Variants in PCSK2 observed in about 807,000 individuals in gnomAD.
The protein encoded by PCSK2 is neuroendocrine convertase 2.
A neutral mutation model predicts 69.7 loss-of-function variants in PCSK2; 14 were observed. That is an observed-to-expected ratio of 0.20 (90% CI 0.13 to 0.31). PCSK2 has a LOEUF of 0.31. Ranked by LOEUF, PCSK2 falls within the 10% of genes least tolerant of loss-of-function variation. The pLI is 1.00. For synonymous variants in PCSK2, 307 were observed against 320.7 expected (o/e 0.96, Z 0.46); for missense variants, 544 against 842.5 (o/e 0.65, Z 4.39).
At position 17,296,656 on chromosome 20, in the gene PCSK2, A is replaced by T. The variant is rs564454246; in HGVS notation, c.282+36312A>T. On this transcript the variant is annotated intron_variant, in intron 2 of 11. Transcript: ENST00000262545. ...GAAAGAGAGCACGTGAGCTCAAATC[A>T]CCTTAAAAATGAGTCTTGTATTTCT... 4.6e-5 allele frequency among the ~76,000 whole-genome samples: 7 copies of T among 152,226 alleles called. No individual in the cohort carries two copies. In the South Asian group the frequency reaches 1.5e-3, roughly 32 times the overall value.
chr20:17,418,445 G>C (rs1301185763), intron 6 of PCSK2, among the ~76,000 whole-genome samples: 1 of 152,164 alleles, frequency 6.6e-6, no homozygotes, highest in Non-Finnish European at 1.5e-5. Context: ...TCAGGAGGTG[G>C]TCTGGATAAC....
intron 1 of PCSK2, among the ~76,000 whole-genome samples, chr20:17,234,158 C>G (rs1986245482): frequency 6.6e-6 from 1 of 152,218 alleles, no homozygotes; most frequent in African/African-American, 2.4e-5. Context: ...ACCTCGAAGG[C>G]AAACCGAGCC....
At chr20:17,442,946 G>A (rs975450689) in intron 8 of PCSK2, among the ~76,000 whole-genome samples, 2 of 148,168 alleles carry the variant, frequency 1.3e-5, no homozygotes, top group Non-Finnish European at 3.0e-5. Context: ...TTGCGAAGTG[G>A]AAAAGCTGGA....
chr20:17,382,549 C>T (rs183977045), intron 5 of PCSK2, among the ~76,000 whole-genome samples: 6 of 152,224 alleles, frequency 3.9e-5, no homozygotes, highest in Admixed American at 2.0e-4. Flanking sequence ...GACTGCTGCT[C>T]CCTTCTTTTT....
chr20:17,284,972 C>G (rs957650891), intron 2 of PCSK2, among the ~76,000 whole-genome samples: 2 of 152,192 alleles, frequency 1.3e-5, no homozygotes, highest in Admixed American at 6.5e-5. Context: ...ATCTGGAAAA[C>G]ACCTTAAGCA....
In PCSK2 at chr20:17,333,470, C is replaced by T. The variant is rs531669035; in HGVS notation, c.283-24857C>T. ...CTCCCTCCAAAGGAAACAAGAGACACCTATGGAAATGCTGATGGAGCGAGG... is the reference window on the plus strand; with the variant it reads ...CTCCCTCCAAAGGAAACAAGAGACATCTATGGAAATGCTGATGGAGCGAGG... On this transcript the variant is annotated intron_variant, in intron 2 of 11. Coordinates refer to ENST00000262545, the MANE Select transcript of PCSK2 (RefSeq NM_002594.5). Among the ~76,000 whole-genome samples, 46 of 152,092 alleles carry T rather than the reference C, an allele frequency of 3.0e-4. 1 individual carries two copies. Among genetic ancestry groups the T allele is most frequent in the Admixed American group, 2.9e-3 (44 of 15,262 alleles).
intron 2 of PCSK2, among the ~76,000 whole-genome samples, chr20:17,261,608 C>T (rs1429453841): frequency 1.3e-5 from 2 of 152,192 alleles, no homozygotes; most frequent in African/African-American, 2.4e-5. Context: ...TCATAGAAGC[C>T]GGCACCAAGA....
At chr20:17,297,884 T>C (rs1988950682) in intron 2 of PCSK2, among the ~76,000 whole-genome samples, 1 of 152,202 alleles carries the variant, frequency 6.6e-6, no homozygotes, top group Admixed American at 6.5e-5. Flanking sequence ...TACAATTGGA[T>C]TTTGCATTTT....
At chr20:17,390,163 C>G (rs962487332) in intron 5 of PCSK2, among the ~76,000 whole-genome samples, 1 of 152,158 alleles carries the variant, frequency 6.6e-6, no homozygotes, top group Non-Finnish European at 1.5e-5. Context: ...AGTACATATA[C>G]TCTCTGGTTC....
chr20:17,272,133 A>G (rs1211256937), intron 2 of PCSK2, among the ~76,000 whole-genome samples: 2 of 152,096 alleles, frequency 1.3e-5, no homozygotes, highest in African/African-American at 4.8e-5. Flanking sequence ...TAGAGTAAGC[A>G]TTCTTAGTTC....
intron 8 of PCSK2, among the ~76,000 whole-genome samples, chr20:17,440,615 C>T (rs1018538984): frequency 7.2e-5 from 11 of 152,180 alleles, no homozygotes; most frequent in African/African-American, 1.2e-4. Context: ...AATCCCAACA[C>T]TTTGGGGGGC....
In PCSK2 at chr20:17,363,946, C is replaced by T. The variant is rs79366214; in HGVS notation, c.505+3306C>T. On this transcript the variant is annotated intron_variant, in intron 4 of 11. Transcript: ENST00000262545. ...CTAATTCTAACCACCATTCTTGGTA[C>T]TTGAAACCTAATCCTTTGCTCTGCC... Among the ~76,000 whole-genome samples the T allele has an allele frequency of 8.8e-3, 1,346 of 152,242 alleles. 26 individuals are homozygous for T. The highest frequency in any genetic ancestry group is 0.03 in the African/African-American group (1,264 of 41,542).
intron 6 of PCSK2, among the ~76,000 whole-genome samples, chr20:17,424,790 C>A (rs2032209077): frequency 6.7e-6 from 1 of 149,694 alleles, no homozygotes; most frequent in East Asian, 2.0e-4. Context: ...AGCGCCCAGC[C>A]TTTTATTTTT....
chr20:17,463,014 A>T (rs1178853924), intron 10 of PCSK2, among the ~76,000 whole-genome samples: 1 of 152,242 alleles, frequency 6.6e-6, no homozygotes, highest in Non-Finnish European at 1.5e-5. Flanking sequence ...CTCTTCAGAC[A>T]TATGCAAATA....
chr20:17,358,181 G>A (rs1398733693), intron 2 of PCSK2, 146 bp from the exon 3 acceptor site: 1 of 590,064 alleles, frequency 1.7e-6, no homozygotes, highest in African/African-American at 1.9e-5. Context: ...TAATGGTAAG[G>A]TGAGCATGTA....
intron 2 of PCSK2, among the ~76,000 whole-genome samples, chr20:17,339,313 C>T (rs774560868): frequency 5.3e-5 from 8 of 152,212 alleles, no homozygotes; most frequent in Admixed American, 4.6e-4. Flanking sequence ...CAGAGAACCA[C>T]GGTAGGCTTG....
chr20:17,360,129 C>A (rs2030340220), intron 3 of PCSK2, among the ~76,000 whole-genome samples: 1 of 152,050 alleles, frequency 6.6e-6, no homozygotes, highest in Non-Finnish European at 1.5e-5. Flanking sequence ...TAAGAATAAT[C>A]CAAAACAATA....
intron 4 of PCSK2, among the ~76,000 whole-genome samples, chr20:17,368,024 G>T (rs142101229): frequency 6.6e-6 from 1 of 151,844 alleles, no homozygotes; most frequent in Non-Finnish European, 1.5e-5. Flanking sequence ...CCTAACACAC[G>T]TACCGTAGAT....
chr20:17,379,496 T>G (rs114631729), intron 5 of PCSK2, among the ~76,000 whole-genome samples: 2,386 of 152,326 alleles, frequency 0.016, 60 homozygotes, highest in African/African-American at 0.055. Flanking sequence ...ATAAATTTTG[T>G]GGTTGTGTCA....
Sources: gnomAD v4.1 joint callset for allele counts (sites outside exome capture counted in the v4.1 genomes callset) on GRCh38, gnomAD v4.1.1 for gene constraint, MANE v1.5 for transcripts, NCBI Gene and HGNC (gene_info 2026-07-23, HGNC 2026-07-21) for gene names.